Variants in TTC39C observed in about 807,000 individuals in gnomAD.
The protein encoded by TTC39C is tetratricopeptide repeat domain 39C.
Under a neutral mutation model 76.3 loss-of-function variants are expected in TTC39C, and 33 were observed. That is an observed-to-expected ratio of 0.43 (90% CI 0.33 to 0.58). The LOEUF (loss-of-function observed/expected upper bound fraction) is 0.58. Among genes scored for constraint, TTC39C ranks in the 20% least tolerant of loss-of-function variants. TTC39C has a pLI of 0.04. For missense variants in TTC39C, 595 were observed against 701.4 expected (o/e 0.85, Z 1.71); for synonymous variants, 254 against 260.6 (o/e 0.97, Z 0.24).
intron 1 of TTC39C, among the ~76,000 whole-genome samples, chr18:23,993,340 AGGGTT>A (rs1413699348): frequency 1.3e-5 from 2 of 152,210 alleles, no homozygotes; most frequent in Non-Finnish European, 2.9e-5. Context: ...TATCCCTTGG[AGGGTT>A]GGGTGTAAAG....
At chr18:24,108,761 C>T (rs142127774) in intron 6 of TTC39C, among the ~76,000 whole-genome samples, 2 of 152,278 alleles carry the variant, frequency 1.3e-5, no homozygotes, top group East Asian at 3.9e-4. Context: ...TCTCTTGCCA[C>T]AGAACACGCA....
intron 1 of TTC39C, among the ~76,000 whole-genome samples, chr18:24,054,147 G>A (rs913753104): frequency 6.6e-6 from 1 of 152,178 alleles, no homozygotes; most frequent in Non-Finnish European, 1.5e-5. Context: ...AGTGAGGACT[G>A]TTCTCTACTT....
At chr18:24,102,513 A>G (rs1166829947) in intron 6 of TTC39C, among the ~76,000 whole-genome samples, 2 of 152,238 alleles carry the variant, frequency 1.3e-5, no homozygotes, top group Admixed American at 6.5e-5. Context: ...GAAAGCGCCA[A>G]GTGAATGGGT....
chr18:24,044,439 C>T (rs2083838237), intron 1 of TTC39C, among the ~76,000 whole-genome samples: 1 of 152,132 alleles, frequency 6.6e-6, no homozygotes, highest in Non-Finnish European at 1.5e-5. Flanking sequence ...GGTGGCTGGT[C>T]AAGGACCAGT....
rs1409704904 is a variant in TTC39C, at chr18:24,117,565, G to C, written c.1079-560G>C. ...AAAAATACAAAAATCAGCTGGGCAT[G>C]GTGGTGGGTGCCTGTAATCCCAGCT... On this transcript the variant is annotated intron_variant, in intron 7 of 13. Transcript: ENST00000317571. 3.3e-5 allele frequency among the ~76,000 whole-genome samples: 5 copies of C among 152,160 alleles called. No homozygotes were observed. The South Asian group carries it at 1.0e-3, about 32-fold the overall frequency.
intron 1 of TTC39C, chr18:24,020,343 T>A: frequency 2.0e-6 from 2 of 984,724 alleles, no homozygotes; most frequent in Non-Finnish European, 2.4e-6. Flanking sequence ...TAGGAGAGTT[T>A]GGAGGAAATT....
intron 1 of TTC39C, among the ~76,000 whole-genome samples, chr18:24,006,049 G>C (rs1188136647): frequency 6.7e-6 from 1 of 148,170 alleles, no homozygotes; most frequent in East Asian, 2.0e-4. Flanking sequence ...GTCTTGCTCT[G>C]TCACCCAGGC....
chr18:24,091,947 G>A (rs1239349747), intron 6 of TTC39C, among the ~76,000 whole-genome samples: 2 of 151,668 alleles, frequency 1.3e-5, no homozygotes, highest in Non-Finnish European at 2.9e-5. Context: ...CAAAAAATTA[G>A]CCAGGTGTGG....
chr18:24,111,664 G>A (rs528996817), intron 6 of TTC39C, among the ~76,000 whole-genome samples: 308 of 151,996 alleles, frequency 2.0e-3, no homozygotes, highest in Non-Finnish European at 3.7e-3. Flanking sequence ...GGAAGCCGAG[G>A]TGGAAGGATC....
At chr18:24,109,686 G>A (rs2084788007) in intron 6 of TTC39C, among the ~76,000 whole-genome samples, 1 of 152,186 alleles carries the variant, frequency 6.6e-6, no homozygotes, top group Admixed American at 6.6e-5. Flanking sequence ...AATGAAAAAT[G>A]ATTGATCATG....
chr18:24,026,729 G>A (rs2083604334), intron 1 of TTC39C, among the ~76,000 whole-genome samples: 1 of 152,108 alleles, frequency 6.6e-6, no homozygotes, highest in Admixed American at 6.5e-5. Context: ...GTTATTTGCT[G>A]CTCTTTCCAC....
rs187886164 is a variant in TTC39C, at chr18:24,017,658, C to T, written c.167+2620C>T. 1.8e-3 allele frequency among the ~76,000 whole-genome samples: 275 copies of T among 152,268 alleles called. 1 individual carries two copies. The highest frequency in any genetic ancestry group is 6.2e-4 in the Non-Finnish European group (42 of 68,026). On this transcript the variant is annotated intron_variant, in intron 1 of 13. Transcript: ENST00000317571. ...GCATTGGGAAACTTCCCTTTCTGTT[C>T]CAAAGTTAAATGGCCTGCTGAAGGC...
chr18:24,078,147 G>C (rs554431793), intron 4 of TTC39C, among the ~76,000 whole-genome samples: 2 of 152,130 alleles, frequency 1.3e-5, no homozygotes, highest in African/African-American at 4.8e-5. Context: ...AGATTAATTT[G>C]TTTTACTTGT....
chr18:24,010,473 C>G (rs575809241), upstream of TTC39C, among the ~76,000 whole-genome samples: 1 of 152,316 alleles, frequency 6.6e-6, no homozygotes, highest in African/African-American at 2.4e-5. Context: ...CCTGATTTGC[C>G]TTCTAGTTAA....
At chr18:24,129,082 A>G in intron 11 of TTC39C, 99 bp downstream of exon 11, 1 of 792,578 alleles carries the variant, frequency 1.3e-6, no homozygotes, top group South Asian at 1.9e-5. Context: ...AACGAAACCG[A>G]ACCTCCCACT....
chr18:24,018,262 C>T (rs1003653716), intron 1 of TTC39C, among the ~76,000 whole-genome samples: 3 of 152,146 alleles, frequency 2.0e-5, no homozygotes, highest in Non-Finnish European at 2.9e-5. Flanking sequence ...TGCTGGAGGG[C>T]GCTTCTGCTT....
In TTC39C at chr18:24,080,576, T is replaced by G. The variant is rs778911757; in HGVS notation, c.461-9T>G. 2 of 1,558,510 alleles carry G rather than the reference T, an allele frequency of 1.3e-6. No homozygotes were observed. The highest frequency in any genetic ancestry group is 4.0e-5 in the Admixed American group (2 of 49,504). On this transcript the variant is annotated splice_polypyrimidine_tract_variant and intron_variant, in intron 4 of 13. Coordinates refer to ENST00000317571, the MANE Select transcript of TTC39C (RefSeq NM_001135993.2). ...TGTTTTTGAATCTTTTCTCCCCTTC[T>G]CTTTTTAGCTTATATCAAAGGTGGG...
intron 1 of TTC39C, among the ~76,000 whole-genome samples, chr18:24,042,575 CTGCT>C (rs2083809126): frequency 1.3e-5 from 2 of 152,160 alleles, no homozygotes; most frequent in Admixed American, 6.5e-5. Flanking sequence ...TTGGGAACCC[CTGCT>C]TTAGTGAACA....
intron 1 of TTC39C, among the ~76,000 whole-genome samples, chr18:24,025,807 C>T (rs1254792533): frequency 1.3e-5 from 2 of 152,146 alleles, no homozygotes; most frequent in Non-Finnish European, 2.9e-5. Context: ...TAGAACAGCA[C>T]AATAGCAGGG....
Sources: gnomAD v4.1 joint callset for allele counts (sites outside exome capture counted in the v4.1 genomes callset) on GRCh38, gnomAD v4.1.1 for gene constraint, MANE v1.5 for transcripts, NCBI Gene and HGNC (gene_info 2026-07-23, HGNC 2026-07-21) for gene names.